Variants in KLRF2 observed in about 807,000 individuals in gnomAD.
KLRF2 encodes killer cell lectin like receptor F2.
In KLRF2, 28 loss-of-function variants were observed where a neutral mutation model predicts 25.3. The ratio of observed to expected loss-of-function variants is 1.11; its 90% CI spans 0.82 to 1.52. KLRF2 has a LOEUF of 1.52. Among genes scored for constraint, KLRF2 ranks in the 40% most tolerant of loss-of-function variants. The pLI, the probability that KLRF2 is intolerant of heterozygous loss-of-function variation, is 0.00. For synonymous variants in KLRF2, 73 were observed against 85.0 expected, an observed-to-expected ratio of 0.86 and a Z score of 0.78; for missense variants, 265 against 245.8, an observed-to-expected ratio of 1.08 and a Z score of -0.52.
intron 3 of KLRF2, among the ~76,000 whole-genome samples, chr12:9,890,707 G>GA (rs1216380034): frequency 6.6e-6 from 1 of 152,166 alleles, no homozygotes. Context: ...AACAGATGGG[G>GA]ACTCTTCTTT....
chr12:9,885,860 G>A (rs771117881), intron 2 of KLRF2, among the ~76,000 whole-genome samples: 3 of 151,808 alleles, frequency 2.0e-5, no homozygotes, highest in African/African-American at 4.8e-5. Flanking sequence ...ATTTTTAGTC[G>A]TTATGAATCT....
intron 3 of KLRF2, among the ~76,000 whole-genome samples, chr12:9,889,303 G>T (rs571038411): frequency 7.9e-5 from 12 of 152,250 alleles, no homozygotes; most frequent in African/African-American, 2.9e-4. Flanking sequence ...TGTCAACTTG[G>T]CTAGGCCACC....
intron 3 of KLRF2, among the ~76,000 whole-genome samples, chr12:9,891,493 A>G (rs1248042339): frequency 6.6e-6 from 1 of 152,190 alleles, no homozygotes; most frequent in African/African-American, 2.4e-5. Context: ...CAGTCTGTCA[A>G]TATCTACATA....
At chr12:9,894,042 CTT>C (rs756508226) in intron 5 of KLRF2, among the ~76,000 whole-genome samples, 1 of 150,780 alleles carries the variant, frequency 6.6e-6, no homozygotes, top group Non-Finnish European at 1.5e-5. Context: ...CTTTCTTTTT[CTT>C]TCTTTCTTTC....
At chr12:9,891,633 C>T (rs529507983) in intron 3 of KLRF2, among the ~76,000 whole-genome samples, 2 of 152,242 alleles carry the variant, frequency 1.3e-5, no homozygotes, top group South Asian at 4.1e-4. Context: ...TGTATTTGTA[C>T]AACTGAAATT....
At chr12:9,894,130 C>T (rs977224560) in intron 5 of KLRF2, among the ~76,000 whole-genome samples, 16 of 131,540 alleles carry the variant, frequency 1.2e-4, no homozygotes, top group African/African-American at 5.0e-4. Flanking sequence ...TTTTCTTTCT[C>T]TCTCTCTCTC....
In KLRF2 at chr12:9,893,453, C is replaced by G; in HGVS notation, c.391C>G (p.Pro131Ala). Residue 131 changes from proline (P) to alanine (A), a missense_variant, in exon 5 of 6, where the codon CCT becomes GCT. Coordinates refer to ENST00000535540, the MANE Select transcript of KLRF2 (RefSeq NM_001190765.1). Reference sequence around the variant, plus strand: ...GGAGTTCATACAGAACAGTTTAAAACCTGGACATTTTGGTTGGATTGGACT... The same window carrying G: ...GGAGTTCATACAGAACAGTTTAAAAGCTGGACATTTTGGTTGGATTGGACT... ...ELEFIQNSLK[P>A]GHFGWIGLYV... 2 of 1,492,834 alleles carry G rather than the reference C, an allele frequency of 1.3e-6. No individual in the cohort carries two copies. Among genetic ancestry groups the G allele is most frequent in the African/African-American group, 1.4e-5 (1 of 72,354 alleles). The allele number at this position is 1,492,834 out of a possible 1,614,324, so 92.5% of individuals were successfully genotyped here. A position where few individuals can be genotyped will look rare whatever the true frequency, so the allele number is the denominator to read the frequency against.
chr12:9,884,406 A>C (rs1040159616), intron 1 of KLRF2, among the ~76,000 whole-genome samples: 5 of 151,820 alleles, frequency 3.3e-5, no homozygotes, highest in African/African-American at 1.2e-4. Flanking sequence ...TAAAATGTGG[A>C]TATTTCCAGT....
chr12:9,887,906 A>G (rs151035622), intron 2 of KLRF2, among the ~76,000 whole-genome samples: 35 of 151,868 alleles, frequency 2.3e-4, no homozygotes, highest in African/African-American at 7.7e-4. Flanking sequence ...ATACACAAAA[A>G]TTAGCTGGGT....
At position 9,881,648 on chromosome 12, in the gene KLRF2, C is replaced by G; in HGVS notation, c.53C>G (p.Ser18Trp). 1.3e-6 allele frequency: 2 copies of G among 1,535,052 alleles called. No individual in the cohort carries two copies. The highest frequency in any genetic ancestry group is 2.4e-5 in the South Asian group (2 of 84,038). The change falls in exon 1 of 6, where the codon TCG becomes TGG. Residue 18 changes from serine to tryptophan, a missense_variant. Physicochemically the swap from Ser to Trp is radical, Grantham distance 177. Coordinates refer to ENST00000535540, the MANE Select transcript of KLRF2 (RefSeq NM_001190765.1). Reference protein sequence around the residue: ...MTLSFKNRCKSKQKSKDFSLY... With the variant: ...MTLSFKNRCKWKQKSKDFSLY... ...CTGAGTTTCAAGAATCGTTGTAAAT[C>G]GAAGCAGAAATCTAAAGGTAGGAAT...
intron 2 of KLRF2, among the ~76,000 whole-genome samples, chr12:9,885,648 T>A (rs926564896): frequency 6.6e-6 from 1 of 151,992 alleles, no homozygotes; most frequent in African/African-American, 2.4e-5. Context: ...CATATTTGTA[T>A]TGGGCAATTG....
intron 2 of KLRF2, among the ~76,000 whole-genome samples, chr12:9,886,824 C>G (rs1014518764): frequency 6.7e-6 from 1 of 148,610 alleles, no homozygotes; most frequent in African/African-American, 2.5e-5. Context: ...ATAGATAGAG[C>G]CAGGTAGAGC....
At chr12:9,882,663 C>T (rs900413659) in intron 1 of KLRF2, among the ~76,000 whole-genome samples, 6 of 151,954 alleles carry the variant, frequency 3.9e-5, no homozygotes, top group Non-Finnish European at 5.9e-5. Flanking sequence ...TGCCTGTAAT[C>T]CCAACTACTT....
intron 3 of KLRF2, among the ~76,000 whole-genome samples, chr12:9,889,138 C>T (rs1862641366): frequency 6.6e-6 from 1 of 152,048 alleles, no homozygotes; most frequent in Non-Finnish European, 1.5e-5. Context: ...TTGAGATAGA[C>T]CTATGTTTGA....
chr12:9,888,950 G>A (rs1393492031), intron 3 of KLRF2, among the ~76,000 whole-genome samples, 170 bp downstream of exon 3: 2 of 152,104 alleles, frequency 1.3e-5, no homozygotes. Context: ...TGTATCAAAT[G>A]GTTGAAAGGC....
At position 9,884,926 on chromosome 12, in the gene KLRF2, C is replaced by G; in HGVS notation, c.71-8C>G. ...TAATCACAAGAATTCTAAAATTCAA[C>G]ATTTCAGATTTCTCCCTATATCCAC... is the stretch of plus-strand genomic sequence containing the variant. On this transcript the variant is annotated splice_region_variant and splice_polypyrimidine_tract_variant and intron_variant, in intron 1 of 5. Coordinates refer to ENST00000535540, the MANE Select transcript of KLRF2 (RefSeq NM_001190765.1). 1 of 981,656 alleles carries G rather than the reference C, an allele frequency of 1.0e-6. No individual in the cohort carries two copies. Among genetic ancestry groups the G allele is most frequent in the Non-Finnish European group, 1.4e-6 (1 of 720,004 alleles). The allele number at this position is 981,656 out of a possible 1,614,324, so 60.8% of individuals were successfully genotyped here. A position where few individuals can be genotyped will look rare whatever the true frequency, so the allele number is the denominator to read the frequency against.
chr12:9,891,041 C>T (rs1035043452), intron 3 of KLRF2, among the ~76,000 whole-genome samples: 14 of 149,678 alleles, frequency 9.4e-5, no homozygotes, highest in African/African-American at 3.5e-4. Context: ...TTGTCCCCTC[C>T]TTTTAATTTT....
chr12:9,894,153 T>C lies in KLRF2; in HGVS notation c.479+612T>C, dbSNP rs866493126. Among the ~76,000 whole-genome samples the C allele has an allele frequency of 2.8e-5, 4 of 143,980 alleles. No homozygotes were observed. In the Admixed American group the frequency reaches 2.8e-4, roughly 10 times the overall value. 94.5% of individuals were successfully genotyped at this position (143,980 alleles called of 152,430 possible). ...CTCTCTCTCTCTCTCTCTCTCTCTC[T>C]CCCTCCCTTCCTTCTTTGTTTCTTT... On this transcript the variant is annotated intron_variant, in intron 5 of 5. Coordinates refer to ENST00000535540, the MANE Select transcript of KLRF2 (RefSeq NM_001190765.1).
At chr12:9,891,838 T>C (rs1034493556) in intron 3 of KLRF2, among the ~76,000 whole-genome samples, 30 of 152,324 alleles carry the variant, frequency 2.0e-4, no homozygotes, top group African/African-American at 7.2e-4. Flanking sequence ...GCTGGACATA[T>C]AGTTTAATTT....
Sources: gnomAD v4.1 joint callset for allele counts (sites outside exome capture counted in the v4.1 genomes callset) on GRCh38, gnomAD v4.1.1 for gene constraint, MANE v1.5 for transcripts, NCBI Gene and HGNC (gene_info 2026-07-23, HGNC 2026-07-21) for gene names.